GPBP1L1: variants seen among roughly 807,000 people sequenced by gnomAD.
GPBP1L1 encodes GC-rich promoter binding protein 1 like 1.
Under a neutral mutation model 52.5 loss-of-function variants are expected in GPBP1L1, and 23 were observed. That is an observed-to-expected ratio of 0.44 (90% CI 0.32 to 0.62). The LOEUF is 0.62. GPBP1L1 is among the 20% of genes least tolerant of loss of function. The probability of loss-of-function intolerance (pLI) is 0.06; values close to 1 mark genes in which losing one functional copy is unlikely to be tolerated. For missense variants in GPBP1L1, 596 were observed against 579.3 expected (o/e 1.03, Z -0.30); for synonymous variants, 243 against 203.1 (o/e 1.20, Z -1.67).
intron 2 of GPBP1L1, among the ~76,000 whole-genome samples, chr1:45,668,829 C>T (rs1033072948): frequency 3.5e-5 from 5 of 143,410 alleles, no homozygotes; most frequent in Non-Finnish European, 6.1e-5. Context: ...AAAACTTAGC[C>T]AGGCATGGTG....
At chr1:45,685,852 C>T (rs1028154017) in intron 1 of GPBP1L1, among the ~76,000 whole-genome samples, 10 of 152,142 alleles carry the variant, frequency 6.6e-5, no homozygotes, top group Non-Finnish European at 1.2e-4. Flanking sequence ...GCTTTCCCTG[C>T]CCCTCCAAGG....
At chr1:45,673,968 C>T (rs1645107505) in intron 2 of GPBP1L1, among the ~76,000 whole-genome samples, 2 of 152,334 alleles carry the variant, frequency 1.3e-5, no homozygotes, top group East Asian at 1.9e-4. Context: ...ATTCCAGCTA[C>T]TCAAGAGGCT....
intron 6 of GPBP1L1, among the ~76,000 whole-genome samples, chr1:45,644,440 G>T (rs1470898009): frequency 1.3e-5 from 2 of 152,080 alleles, no homozygotes; most frequent in Non-Finnish European, 2.9e-5. Flanking sequence ...ATGGGTAAAA[G>T]TTCTTTTAAA....
At chr1:45,686,685 C>T (rs1050462903), upstream of GPBP1L1, 6 of 152,292 alleles carry the variant, frequency 3.9e-5, no homozygotes, top group African/African-American at 1.4e-4. Context: ...CTCCCGGACG[C>T]CAGTTCCCTA....
chr1:45,646,360 T>C (rs1026017967), intron 6 of GPBP1L1, among the ~76,000 whole-genome samples: 11 of 152,232 alleles, frequency 7.2e-5, no homozygotes, highest in African/African-American at 2.7e-4. Context: ...GTTATAAAGC[T>C]TTGCTGTCAC....
intron 2 of GPBP1L1, among the ~76,000 whole-genome samples, chr1:45,675,089 G>C (rs1050767478): frequency 6.6e-6 from 1 of 152,114 alleles, no homozygotes; most frequent in East Asian, 1.9e-4. Flanking sequence ...ACAAGGTCAA[G>C]AGATCAAGAC....
At chr1:45,683,917 G>A (rs1366681486) in intron 2 of GPBP1L1, among the ~76,000 whole-genome samples, 1 of 149,382 alleles carries the variant, frequency 6.7e-6, no homozygotes, top group African/African-American at 2.5e-5. Context: ...GTGAGACCCC[G>A]TATCAAAAAC....
chr1:45,644,505 A>T (rs994039037), intron 6 of GPBP1L1, among the ~76,000 whole-genome samples: 3 of 152,216 alleles, frequency 2.0e-5, no homozygotes, highest in Non-Finnish European at 4.4e-5. Flanking sequence ...AGACATTACA[A>T]ATCTCATTAG....
At position 45,633,452 on chromosome 1, in the gene GPBP1L1, T is replaced by C. The variant is rs746205571; in HGVS notation, c.1044+37A>G. The C allele has an allele frequency of 2.5e-6, 4 of 1,605,382 alleles. No individual in the cohort carries two copies. In the Admixed American group the frequency reaches 5.2e-5, roughly 21 times the overall value. ...AAATCACGTATGTATCAAAGGAAAA[T>C]TCCTAGGCTACCCCCAGAAAAGGCG... On this transcript the variant is annotated intron_variant, in intron 10 of 12. Coordinates refer to ENST00000355105, the MANE Select transcript of GPBP1L1 (RefSeq NM_021639.5).
intron 2 of GPBP1L1, among the ~76,000 whole-genome samples, chr1:45,663,355 C>T (rs114897137): frequency 3.2e-4 from 48 of 152,294 alleles, no homozygotes; most frequent in Non-Finnish European, 5.3e-4. Context: ...TCTTTTCAAT[C>T]ACCACTAGGT....
At chr1:45,687,872 A>C (rs1017080102), upstream of GPBP1L1, 1 of 152,230 alleles carries the variant, frequency 6.6e-6, no homozygotes, top group African/African-American at 2.4e-5. Flanking sequence ...AGTAAAACAT[A>C]AGTCCCACAG....
In GPBP1L1 at chr1:45,654,668, G is replaced by T; in HGVS notation, c.352C>A (p.Arg118Ser). ...GAGTGGAAGCTGCCATTCCAATGGC[G>T]ATGGTTCCCTGTGCCACCTCCACTA... Reference protein sequence around the residue: ...QRSGGGTGNHRHWNGSFHSRK... With the variant: ...QRSGGGTGNHSHWNGSFHSRK... Residue 118 changes from arginine to serine, a missense_variant, in exon 6 of 13, where the codon CGC (arginine) becomes AGC (serine). Physicochemically the swap from Arg to Ser is moderately radical, Grantham distance 110. Transcript: ENST00000355105. The T allele has an allele frequency of 6.2e-7, 1 of 1,614,142 alleles. No individual in the cohort carries two copies. Among genetic ancestry groups the T allele is most frequent in the Non-Finnish European group, 8.5e-7 (1 of 1,180,022 alleles).
intron 2 of GPBP1L1, among the ~76,000 whole-genome samples, chr1:45,684,517 A>C (rs1645255393): frequency 1.3e-5 from 2 of 152,278 alleles, no homozygotes; most frequent in Middle Eastern, 3.4e-3. Context: ...CTCCTCAGCT[A>C]AGCATTTTAA....
intron 10 of GPBP1L1, chr1:45,630,837 T>C: frequency 2.0e-6 from 1 of 497,428 alleles, no homozygotes; most frequent in East Asian, 3.7e-5. Flanking sequence ...TACTGAAGAA[T>C]AAAACCAGAG....
At chr1:45,642,699 T>A (rs1644689668) in intron 6 of GPBP1L1, among the ~76,000 whole-genome samples, 200 bp from the exon 7 acceptor site, 1 of 152,258 alleles carries the variant, frequency 6.6e-6, no homozygotes, top group African/African-American at 2.4e-5. Flanking sequence ...ATGTTAATAT[T>A]AGGTTCTCCT....
At chr1:45,632,696 A>G (rs1336568891) in intron 10 of GPBP1L1, among the ~76,000 whole-genome samples, 1 of 152,226 alleles carries the variant, frequency 6.6e-6, no homozygotes, top group Non-Finnish European at 1.5e-5. Context: ...AGTCTGGGTG[A>G]TAAGAGCCAG....
intron 9 of GPBP1L1, 133 bp downstream of exon 9, chr1:45,633,963 A>G: frequency 9.5e-7 from 1 of 1,055,536 alleles, no homozygotes; most frequent in Non-Finnish European, 1.4e-6. Context: ...AACAGAAAAC[A>G]TCAATAAAGA....
chr1:45,641,503 C>T (rs1644672909), intron 7 of GPBP1L1, among the ~76,000 whole-genome samples: 1 of 151,840 alleles, frequency 6.6e-6, no homozygotes, highest in Middle Eastern at 3.4e-3. Context: ...TTTAAACATA[C>T]ATATATATGA....
chr1:45,657,952 A>G (rs1235998323), intron 4 of GPBP1L1, among the ~76,000 whole-genome samples: 2 of 152,212 alleles, frequency 1.3e-5, no homozygotes, highest in Non-Finnish European at 2.9e-5. Context: ...CCACATTTTA[A>G]AATAGGAAAG....
Sources: gnomAD v4.1 joint callset for allele counts (sites outside exome capture counted in the v4.1 genomes callset) on GRCh38, gnomAD v4.1.1 for gene constraint, MANE v1.5 for transcripts, NCBI Gene and HGNC (gene_info 2026-07-23, HGNC 2026-07-21) for gene names.